PSPC1: variants seen among roughly 807,000 people sequenced by gnomAD.
PSPC1 encodes the protein paraspeckle component 1, also known as paraspeckle protein 1.
A neutral mutation model predicts 51.6 loss-of-function variants in PSPC1; 14 were observed. That is an observed-to-expected ratio of 0.27 (90% CI 0.18 to 0.42). PSPC1 has a LOEUF of 0.42. Ranked by LOEUF, PSPC1 falls within the 10% of genes least tolerant of loss-of-function variation. The pLI, the probability that PSPC1 is intolerant of heterozygous loss-of-function variation, is 1.00. For synonymous variants in PSPC1, 193 were observed against 231.9 expected (o/e 0.83, Z 1.53); for missense variants, 406 against 701.1 (o/e 0.58, Z 4.75).
intron 6 of PSPC1, among the ~76,000 whole-genome samples, chr13:19,726,516 T>C (rs578149132): frequency 2.0e-5 from 3 of 152,202 alleles, no homozygotes; most frequent in Non-Finnish European, 4.4e-5. Context: ...TGTATTACAA[T>C]CTACCTGGAT....
intron 4 of PSPC1, among the ~76,000 whole-genome samples, chr13:19,743,371 G>A (rs939223169): frequency 6.6e-6 from 1 of 151,968 alleles, no homozygotes; most frequent in Non-Finnish European, 1.5e-5. Flanking sequence ...TTAATCTAAG[G>A]TACCAATAAC....
At chr13:19,714,447 T>C (rs934252065) in intron 6 of PSPC1, among the ~76,000 whole-genome samples, 4 of 152,132 alleles carry the variant, frequency 2.6e-5, no homozygotes, top group East Asian at 3.9e-4. Context: ...TAAAAAATCA[T>C]GCATGGGTAA....
rs752466806 is a variant in PSPC1, at chr13:19,741,620, G to A, written c.997C>T (p.Arg333Cys). 1.9e-6 allele frequency: 3 copies of A among 1,605,742 alleles called. No homozygotes were observed. The highest frequency in any genetic ancestry group is 1.1e-5 in the South Asian group (1 of 89,822). The change falls in exon 5 of 9, where the codon CGC becomes TGC. Residue 333 changes from arginine (R) to cysteine (C), a missense_variant. By Grantham distance (180) the Arg-to-Cys change is radical (BLOSUM62 -3). Coordinates refer to ENST00000338910, the MANE Select transcript of PSPC1 (RefSeq NM_001354909.2). ...DLMRRQEELR[R>C]LEELRNQELQ... Reference sequence around the variant, plus strand: ...TCTTGGTTTCTGAGTTCTTCCAAGCGTCTGAGTTCTTCTTGACGCCTCATT... The same window carrying A: ...TCTTGGTTTCTGAGTTCTTCCAAGCATCTGAGTTCTTCTTGACGCCTCATT...
intron 6 of PSPC1, among the ~76,000 whole-genome samples, chr13:19,693,471 A>C (rs1878806266): frequency 1.3e-5 from 2 of 152,242 alleles, no homozygotes; most frequent in Admixed American, 1.3e-4. Flanking sequence ...TCACCAAGCA[A>C]ATATCTAACA....
chr13:19,766,798 C>G (rs1367185663), intron 2 of PSPC1, among the ~76,000 whole-genome samples: 1 of 149,384 alleles, frequency 6.7e-6, no homozygotes, highest in Non-Finnish European at 1.5e-5. Context: ...GAGGCTGCAA[C>G]GAGCTGTGAT....
rs1298624055 is a variant in PSPC1, at chr13:19,730,328, G to A, written c.1069C>T (p.Arg357Trp). The change falls in exon 6 of 9, where the codon CGG becomes TGG. Residue 357 changes from arginine to tryptophan, a missense_variant. Transcript: ENST00000338910. Reference protein sequence around the residue: ...QIQLRHEEEHRRREEEMIRHR... With the variant: ...QIQLRHEEEHWRREEEMIRHR... Reference sequence around the variant, plus strand: ...CGGATCATTTCTTCCTCACGCCGCCGATGCTCCTCTTCATGTCTGAAAATT... The same window carrying A: ...CGGATCATTTCTTCCTCACGCCGCCAATGCTCCTCTTCATGTCTGAAAATT... The A allele has an allele frequency of 2.5e-6, 4 of 1,613,692 alleles. No individual in the cohort carries two copies. Among genetic ancestry groups the A allele is most frequent in the South Asian group, 2.2e-5 (2 of 91,038 alleles).
At chr13:19,778,428 C>CGGAG (rs1889453293) in intron 1 of PSPC1, among the ~76,000 whole-genome samples, 1 of 127,788 alleles carries the variant, frequency 7.8e-6, no homozygotes, top group Non-Finnish European at 1.6e-5. Context: ...CCCTCTCATG[C>CGGAG]GGAGCCGAAG....
In PSPC1 at chr13:19,782,795, G is replaced by A. The variant is rs1473415793; in HGVS notation, c.-38C>T. ...GCCTCGGACACCGGATACAGGCCTA[G>A]ATTTATAGACAGTGTGTCTATATAT... is the stretch of plus-strand genomic sequence containing the variant. On this transcript the variant is annotated 5_prime_UTR_variant, in exon 1 of 9. Coordinates refer to ENST00000338910, the MANE Select transcript of PSPC1 (RefSeq NM_001354909.2). This position sits in a 1 kb window ranked among gnomAD's most constrained non-coding sequence, Gnocchi z 4.5. 5.3e-6 allele frequency: 8 copies of A among 1,504,850 alleles called. No individual in the cohort carries two copies. The highest frequency in any genetic ancestry group is 2.6e-5 in the South Asian group (2 of 75,948). The allele number at this position is 1,504,850 out of a possible 1,614,324, so 93.2% of individuals were successfully genotyped here.
intron 4 of PSPC1, among the ~76,000 whole-genome samples, chr13:19,750,034 AAC>A (rs760642484): frequency 5.9e-5 from 9 of 152,308 alleles, no homozygotes; most frequent in Non-Finnish European, 1.2e-4. Context: ...GAAATACTAG[AAC>A]ACACATAACA....
intron 6 of PSPC1, among the ~76,000 whole-genome samples, chr13:19,712,260 A>AT (rs1491218333): frequency 6.6e-6 from 1 of 152,216 alleles, no homozygotes; most frequent in East Asian, 1.9e-4. Flanking sequence ...TAGGAATTCA[A>AT]TATCTAACCA....
intron 4 of PSPC1, among the ~76,000 whole-genome samples, chr13:19,744,689 C>T (rs1258382263): frequency 6.6e-6 from 1 of 152,082 alleles, no homozygotes; most frequent in African/African-American, 2.4e-5. Flanking sequence ...CTCAGCCTCC[C>T]AAGTAGCTGG....
At position 19,774,464 on chromosome 13, in the gene PSPC1, T is replaced by C. The variant is rs568048750; in HGVS notation, c.373-1921A>G. On this transcript the variant is annotated intron_variant, in intron 1 of 8. Transcript: ENST00000338910. ...AATGAAGTTACCCTTTTTAGAGATA[T>C]AGTCATCCCTCTGTATCCATGGATT... 3.9e-5 allele frequency among the ~76,000 whole-genome samples: 6 copies of C among 152,264 alleles called. No individual in the cohort carries two copies. In the East Asian group the frequency reaches 5.8e-4, roughly 15 times the overall value.
chr13:19,756,286 G>A (rs1212699783), intron 3 of PSPC1, among the ~76,000 whole-genome samples: 1 of 152,196 alleles, frequency 6.6e-6, no homozygotes, highest in Admixed American at 6.5e-5. Flanking sequence ...CCCACTCCCA[G>A]ACTGTGGAGT....
Position 19,782,713 on chromosome 13 carries a change from GTT to G in PSPC1, c.43_44del (p.Asn15ProfsTer116). ...GNLKQVRIEK[N>X]PARLRALESA... Reference sequence around the variant, plus strand: ...ACTCCAGGGCGCGAAGGCGGGCCGGGTTTTTCTCAATGCGCACTTGCTTCAGG... The same window carrying G: ...ACTCCAGGGCGCGAAGGCGGGCCGGGTTTCTCAATGCGCACTTGCTTCAGG... On this transcript the variant is annotated frameshift_variant, in exon 1 of 9. Coordinates refer to ENST00000338910, the MANE Select transcript of PSPC1 (RefSeq NM_001354909.2). LOFTEE classifies it high-confidence loss of function. This position sits in a 1 kb window ranked among gnomAD's most constrained non-coding sequence, Gnocchi z 4.5. The G allele has an allele frequency of 6.4e-7, 1 of 1,569,772 alleles. No homozygotes were observed. Among genetic ancestry groups the G allele is most frequent in the Non-Finnish European group, 8.6e-7 (1 of 1,168,876 alleles).
At chr13:19,713,256 T>C (rs1239690326) in intron 6 of PSPC1, among the ~76,000 whole-genome samples, 1 of 152,196 alleles carries the variant, frequency 6.6e-6, no homozygotes, top group Non-Finnish European at 1.5e-5. Context: ...AAACAACTTA[T>C]TTGTAACCAA....
At chr13:19,747,006 G>A (rs1886063582) in intron 4 of PSPC1, among the ~76,000 whole-genome samples, 1 of 152,070 alleles carries the variant, frequency 6.6e-6, no homozygotes. Flanking sequence ...TACTCAAGAG[G>A]CTGAGGCAGG....
intron 5 of PSPC1, among the ~76,000 whole-genome samples, chr13:19,731,553 A>C (rs1252046492): frequency 6.6e-6 from 1 of 152,132 alleles, no homozygotes; most frequent in African/African-American, 2.4e-5. Context: ...AGCTGGGACT[A>C]CGGGCACGTG....
chr13:19,697,256 A>G (rs1879371608), intron 6 of PSPC1, among the ~76,000 whole-genome samples: 1 of 152,184 alleles, frequency 6.6e-6, no homozygotes, highest in African/African-American at 2.4e-5. Context: ...CCACTCTGGA[A>G]TAAAGTCCAG....
At chr13:19,712,680 T>A (rs1881590148) in intron 6 of PSPC1, among the ~76,000 whole-genome samples, 1 of 152,126 alleles carries the variant, frequency 6.6e-6, no homozygotes, top group Admixed American at 6.5e-5. Flanking sequence ...GAATACTCCA[T>A]GCTACCATAG....
Sources: allele counts gnomAD v4.1 joint callset (sites outside exome capture counted in the v4.1 genomes callset), GRCh38; gene constraint gnomAD v4.1.1; non-coding constraint Gnocchi (gnomAD v3.1); transcripts MANE v1.5; gene names NCBI Gene and HGNC (gene_info 2026-07-23, HGNC 2026-07-21).